DMBT1: variants seen among roughly 807,000 people sequenced by gnomAD.
DMBT1 encodes the protein scavenger receptor cysteine-rich domain-containing protein DMBT1.
A neutral mutation model predicts 252.9 loss-of-function variants in DMBT1; 198 were observed. The ratio of observed to expected loss-of-function variants is 0.78; its 90% confidence interval spans 0.70 to 0.88. The LOEUF (loss-of-function observed/expected upper bound fraction) is 0.88, where lower values mean the gene tolerates loss of function less well. DMBT1 is among the 40% of genes least tolerant of loss of function. The probability of loss-of-function intolerance (pLI) is 0.00; values close to 1 mark genes in which losing one functional copy is unlikely to be tolerated. For missense variants in DMBT1, 2,432 were observed against 2,404.7 expected, an observed-to-expected ratio of 1.01 and a Z score of -0.24; for synonymous variants, 990 against 942.7, an observed-to-expected ratio of 1.05 and a Z score of -0.92.
chr10:122,640,855 G>T (rs549739618), intron 55 of DMBT1, among the ~76,000 whole-genome samples: 1 of 152,322 alleles, frequency 6.6e-6, no homozygotes, highest in South Asian at 2.1e-4. Context: ...AGCAGACCAA[G>T]GTTGAAATGC....
At chr10:122,637,506 C>G (rs1371284735) in intron 54 of DMBT1, among the ~76,000 whole-genome samples, 194 bp downstream of exon 54, 1 of 152,194 alleles carries the variant, frequency 6.6e-6, no homozygotes, top group Non-Finnish European at 1.5e-5. Flanking sequence ...AAGAAGGAAG[C>G]TGAGCAGAAA....
At chr10:122,640,823 A>G (rs1844396102) in intron 55 of DMBT1, among the ~76,000 whole-genome samples, 1 of 152,188 alleles carries the variant, frequency 6.6e-6, no homozygotes, top group Non-Finnish European at 1.5e-5. Context: ...ACCTGCGTAT[A>G]GTGGGAAAAG....
chr10:122,561,461 G>A (rs17103701), intron 1 of DMBT1, among the ~76,000 whole-genome samples: 8,109 of 152,206 alleles, frequency 0.053, 648 homozygotes, highest in African/African-American at 0.17. Flanking sequence ...TGAGAGAGCC[G>A]TCGGTAGCGC....
intron 18 of DMBT1, 131 bp downstream of exon 18, chr10:122,590,825 C>A: frequency 8.6e-7 from 1 of 1,165,030 alleles, no homozygotes; most frequent in Non-Finnish European, 1.2e-6. Context: ...TGCTCTGTAA[C>A]TGAGACCCTA....
chr10:122,579,498 A>G (rs190378133), intron 9 of DMBT1, 80 bp from the exon 10 acceptor site: 330 of 1,602,542 alleles, frequency 2.1e-4, no homozygotes, highest in Non-Finnish European at 2.6e-4. Flanking sequence ...TTCATTAGGA[A>G]GTACCCTGAG....
intron 41 of DMBT1, among the ~76,000 whole-genome samples, chr10:122,618,933 C>A (rs2098031787): frequency 1.3e-5 from 2 of 152,240 alleles, no homozygotes; most frequent in African/African-American, 4.8e-5. Context: ...TGAGTCTGGC[C>A]AGGCATGGCC....
chr10:122,636,254 T>A, intron 53 of DMBT1, 55 bp downstream of exon 53: 1 of 1,473,626 alleles, frequency 6.8e-7, no homozygotes, highest in Non-Finnish European at 9.4e-7. Flanking sequence ...TGAGAGCATC[T>A]GTGGCTCAAC....
At chr10:122,569,363 A>G (rs1000662271) in intron 2 of DMBT1, among the ~76,000 whole-genome samples, 4 of 152,226 alleles carry the variant, frequency 2.6e-5, no homozygotes, top group African/African-American at 4.8e-5. Flanking sequence ...TTTGGAATTA[A>G]ATGACAAATA....
intron 3 of DMBT1, 54 bp downstream of exon 3, chr10:122,570,263 G>T (rs1366677229): frequency 8.1e-6 from 11 of 1,355,960 alleles, no homozygotes; most frequent in Middle Eastern, 1.8e-4. Flanking sequence ...TGCACCCCTA[G>T]GTTCATCTCT....
chr10:122,586,282 T>C lies in DMBT1; in HGVS notation c.1682T>C (p.Val561Ala). Residue 561 changes from valine to alanine, a missense_variant, in exon 16 of 56, where the codon GTG (valine) becomes GCG (alanine). Around this residue, in one of 3 missense-constraint regions of DMBT1, gnomAD observed 1,264 missense variants for 1,082.2 expected, o/e 1.17. Transcript: ENST00000338354. ...QGSGPIVLDD[V>A]RCSGNESYLW... is the part of the protein sequence containing the mutation. ...TCAGGACCCATTGTCCTGGATGACG[T>C]GCGCTGCTCAGGGAATGAGTCCTAC... 1 of 1,588,702 alleles carries C rather than the reference T, an allele frequency of 6.3e-7. No individual in the cohort carries two copies.
At chr10:122,580,513 C>T (rs113090117) in intron 10 of DMBT1, among the ~76,000 whole-genome samples, 4,027 of 152,258 alleles carry the variant, frequency 0.026, 194 homozygotes, top group South Asian at 0.16. Flanking sequence ...CTTGTCATTG[C>T]CTGTGATTGG....
chr10:122,579,274 G>A lies in DMBT1; in HGVS notation c.680-304G>A, dbSNP rs563561601. 2.0e-5 allele frequency among the ~76,000 whole-genome samples: 3 copies of A among 152,208 alleles called. No homozygotes were observed. The East Asian group carries it at 5.8e-4, about 29-fold the overall frequency. Reference sequence around the variant, plus strand: ...TGCTCCTGAATAAGGGAGGGGTCTGGGCCTGCCATCTGGAGCTGAGCAGCT... The same window carrying A: ...TGCTCCTGAATAAGGGAGGGGTCTGAGCCTGCCATCTGGAGCTGAGCAGCT... On this transcript the variant is annotated intron_variant, in intron 9 of 55. Transcript: ENST00000338354.
chr10:122,566,594 G>C (rs2097595273), intron 2 of DMBT1, among the ~76,000 whole-genome samples: 1 of 152,186 alleles, frequency 6.6e-6, no homozygotes, highest in Non-Finnish European at 1.5e-5. Context: ...ACAGGCATGA[G>C]CCACTGCGCC....
In DMBT1 at chr10:122,599,981, C is replaced by T. The variant is rs371021767; in HGVS notation, c.3281-83C>T. On this transcript the variant is annotated intron_variant, in intron 26 of 55. Coordinates refer to ENST00000338354, the MANE Select transcript of DMBT1 (RefSeq NM_001377530.1). ...ACTAGGATGGACTGAGTGTCAGACT[C>T]GCCCATTTCTTTCCCTCCTCGTTCC... 5.4e-5 allele frequency: 83 copies of T among 1,546,244 alleles called. 2 individuals are homozygous for T. The Admixed American group carries it at 6.2e-4, about 11-fold the overall frequency.
In DMBT1 at chr10:122,633,713, C is replaced by T. The variant is rs142658616; in HGVS notation, c.6548+372C>T. Among the ~76,000 whole-genome samples, 639 of 152,076 alleles carry T rather than the reference C, an allele frequency of 4.2e-3. 5 individuals are homozygous for T. The highest frequency in any genetic ancestry group is 0.015 in the African/African-American group (616 of 41,436). On this transcript the variant is annotated intron_variant, in intron 52 of 55. Transcript: ENST00000338354. ...ACCTCACTGTTTACTGGGAAGGTCA[C>T]GAGAAACAGAGAGGAGAGAGAGGGA...
intron 1 of DMBT1, 52 bp from the exon 2 acceptor site, chr10:122,565,915 T>C (rs1313365292): frequency 4.1e-5 from 65 of 1,594,222 alleles, no homozygotes; most frequent in East Asian, 1.1e-4. Flanking sequence ...CTGTGACTTG[T>C]AGGAAATCAT....
chr10:122,630,878 G>C, intron 48 of DMBT1, 83 bp from the exon 49 acceptor site: 1 of 1,437,452 alleles, frequency 7.0e-7, no homozygotes, highest in Non-Finnish European at 9.5e-7. Flanking sequence ...GAAAAGGCCT[G>C]TGGGATGCTT....
intron 26 of DMBT1, 137 bp from the exon 27 acceptor site, chr10:122,599,927 A>C: frequency 7.6e-7 from 1 of 1,310,512 alleles, no homozygotes; most frequent in South Asian, 1.2e-5. Flanking sequence ...GGGGATGTGC[A>C]TGGCAATGCC....
At chr10:122,594,014 C>T (rs1369889446) in intron 21 of DMBT1, among the ~76,000 whole-genome samples, 8 of 135,244 alleles carry the variant, frequency 5.9e-5, no homozygotes, top group African/African-American at 1.0e-4. Context: ...GGAAACATTC[C>T]GAGATTATGA....
Sources: gnomAD v4.1 joint callset for allele counts (sites outside exome capture counted in the v4.1 genomes callset) on GRCh38, gnomAD v4.1.1 for gene constraint, gnomAD v4.1.1 regional missense constraint, MANE v1.5 for transcripts, NCBI Gene and HGNC (gene_info 2026-07-23, HGNC 2026-07-21) for gene names.